RGS12: variants seen among roughly 807,000 people sequenced by gnomAD.
The protein encoded by RGS12 is regulator of G protein signaling 12.
Under a neutral mutation model 120.1 loss-of-function variants are expected in RGS12, and 66 were observed. The observed-to-expected ratio is 0.55, with a 90% CI of 0.45 to 0.67. The LOEUF (loss-of-function observed/expected upper bound fraction) is 0.67, where lower values mean the gene tolerates loss of function less well. Among genes scored for constraint, RGS12 ranks in the 30% least tolerant of loss-of-function variants. RGS12 has a pLI of 0.00. For synonymous variants in RGS12, 827 were observed against 804.7 expected (o/e 1.03, Z -0.47); for missense variants, 1,859 against 1,957.7 (o/e 0.95, Z 0.95).
At position 3,317,975 on chromosome 4, in the gene RGS12, G is replaced by C. The variant is rs746137949; in HGVS notation, c.1805G>C (p.Trp602Ser). 1 of 1,614,112 alleles carries C rather than the reference G, an allele frequency of 6.2e-7. No homozygotes were observed. The highest frequency in any genetic ancestry group is 8.5e-7 in the Non-Finnish European group (1 of 1,179,998). Reference protein sequence around the residue: ...QPPLNAPKREWSRKAFGMQSI... With the variant: ...QPPLNAPKRESSRKAFGMQSI... ...CCGCTGAATGCCCCGAAGAGGGAGT[G>C]GTCCAGGAAGGCCTTTGGAATGCAA... Residue 602 changes from tryptophan to serine, a missense_variant, in exon 2 of 18, where the codon TGG becomes TCG. By Grantham distance (177) the Trp-to-Ser change is radical. Around this residue, in one of 3 missense-constraint regions of RGS12, gnomAD observed 967 missense variants for 994.2 expected, o/e 0.97. Coordinates refer to ENST00000336727, the MANE Select transcript of RGS12 (RefSeq NM_001394154.1).
At chr4:3,309,961 G>A (rs1345310299) in intron 1 of RGS12, among the ~76,000 whole-genome samples, 7 of 137,918 alleles carry the variant, frequency 5.1e-5, no homozygotes, top group Admixed American at 7.1e-5. Context: ...AACCGTGCAG[G>A]GGAGGAGCTG....
chr4:3,368,786 G>A (rs1253220874), intron 3 of RGS12, among the ~76,000 whole-genome samples: 1 of 151,450 alleles, frequency 6.6e-6, no homozygotes. Flanking sequence ...GGATGCTGAC[G>A]GGAAGGCAGG....
At chr4:3,360,249 T>C (rs1323372665) in intron 3 of RGS12, among the ~76,000 whole-genome samples, 1 of 152,236 alleles carries the variant, frequency 6.6e-6, no homozygotes, top group Non-Finnish European at 1.5e-5. Flanking sequence ...TTGAGTCTTC[T>C]CTTTTTTTCC....
At chr4:3,383,160 C>T (rs1423509750) in intron 3 of RGS12, among the ~76,000 whole-genome samples, 4 of 152,140 alleles carry the variant, frequency 2.6e-5, no homozygotes, top group African/African-American at 9.7e-5. Flanking sequence ...TGGAGGATCT[C>T]AGGTTGAGGG....
At chr4:3,401,809 T>C (rs1720617952) in intron 4 of RGS12, among the ~76,000 whole-genome samples, 1 of 152,262 alleles carries the variant, frequency 6.6e-6, no homozygotes, top group African/African-American at 2.4e-5. Flanking sequence ...ATTTACCGCA[T>C]GCTCACCTTA....
intron 3 of RGS12, among the ~76,000 whole-genome samples, chr4:3,371,762 C>T (rs759801513): frequency 6.6e-6 from 1 of 152,158 alleles, no homozygotes; most frequent in Non-Finnish European, 1.5e-5. Context: ...AATTGCTTCT[C>T]CTTCTAAGCT....
chr4:3,313,598 C>T (rs890438258), intron 1 of RGS12, among the ~76,000 whole-genome samples: 2 of 152,210 alleles, frequency 1.3e-5, no homozygotes, highest in African/African-American at 2.4e-5. Flanking sequence ...CTCGTGTCTG[C>T]AGTCAGTGTG....
chr4:3,329,048 G>T (rs1321961722), intron 2 of RGS12, among the ~76,000 whole-genome samples: 1 of 152,194 alleles, frequency 6.6e-6, no homozygotes, highest in East Asian at 1.9e-4. Flanking sequence ...TGGATTCCAG[G>T]TTGGAGAGCT....
chr4:3,293,699 G>T (rs56342126), intron 1 of RGS12, among the ~76,000 whole-genome samples: 1,788 of 151,482 alleles, frequency 0.012, 27 homozygotes, highest in South Asian at 0.026. Flanking sequence ...AGGGGACCCA[G>T]AGCTGTGGAG....
At chr4:3,403,119 G>A (rs1720762662) in intron 4 of RGS12, among the ~76,000 whole-genome samples, 1 of 152,238 alleles carries the variant, frequency 6.6e-6, no homozygotes, top group African/African-American at 2.4e-5. Context: ...GGCTCTGGCA[G>A]CATTTCACCC....
chr4:3,378,973 T>C (rs951717979), intron 3 of RGS12, among the ~76,000 whole-genome samples: 1 of 151,592 alleles, frequency 6.6e-6, no homozygotes, highest in Admixed American at 6.6e-5. Flanking sequence ...ATAGCTAAGA[T>C]ATGAAAACCT....
In RGS12 at chr4:3,433,750, A is replaced by G. The variant is rs1405753357; in HGVS notation, c.4114+2795A>G. Reference sequence around the variant, plus strand: ...CCCATGCTTCTAGCCCCAGCGCCACACGCCACGCGGCACTCCACCCCGTCT... The same window carrying G: ...CCCATGCTTCTAGCCCCAGCGCCACGCGCCACGCGGCACTCCACCCCGTCT... On this transcript the variant is annotated intron_variant, in intron 17 of 17. Transcript: ENST00000336727. This position sits in a 1 kb window ranked among gnomAD's most constrained non-coding sequence, Gnocchi z 4.4. Among the ~76,000 whole-genome samples the G allele has an allele frequency of 6.8e-6, 1 of 148,118 alleles. No individual in the cohort carries two copies. The highest frequency in any genetic ancestry group is 2.0e-4 in the East Asian group (1 of 4,958).
Position 3,316,709 on chromosome 4 carries a change from A to G in RGS12, c.539A>G (p.Asp180Gly). The part of the protein sequence containing the change: ...SLSESAATRF[D>G]VGHESINNPN... ...TCAGAGTCGGCCGCAACTCGATTTGATGTTGGACATGAAAGTATAAATAAT... is the reference window on the plus strand; with the variant it reads ...TCAGAGTCGGCCGCAACTCGATTTGGTGTTGGACATGAAAGTATAAATAAT... Residue 180 changes from aspartate (D) to glycine (G), a missense_variant, in exon 2 of 18, where the codon GAT becomes GGT. By Grantham distance (94) the Asp-to-Gly change is moderately conservative. Coordinates refer to ENST00000336727, the MANE Select transcript of RGS12 (RefSeq NM_001394154.1). 6.2e-7 allele frequency: 1 copy of G among 1,614,206 alleles called. No individual in the cohort carries two copies. The highest frequency in any genetic ancestry group is 8.5e-7 in the Non-Finnish European group (1 of 1,180,034).
intron 4 of RGS12, 96 bp downstream of exon 4, chr4:3,386,533 G>A: frequency 4.5e-6 from 5 of 1,100,808 alleles, no homozygotes; most frequent in Non-Finnish European, 6.7e-6. Context: ...AGGAAGGACG[G>A]GTTGTTTGCC....
Position 3,393,694 on chromosome 4 carries a change from C to T in RGS12, c.2020+7257C>T, listed in dbSNP as rs1577039517. 2.0e-5 allele frequency among the ~76,000 whole-genome samples: 3 copies of T among 152,154 alleles called. No homozygotes were observed. The South Asian group carries it at 6.2e-4, about 32-fold the overall frequency. ...TTTTCCCGCAGGTTCTGATGCTCTG[C>T]GTATTTTGTCTACTATTCTACTGTC... On this transcript the variant is annotated intron_variant, in intron 4 of 17. Transcript: ENST00000336727.
chr4:3,430,167 TG>T (rs1159108997), intron 16 of RGS12, among the ~76,000 whole-genome samples: 1 of 152,200 alleles, frequency 6.6e-6, no homozygotes, highest in African/African-American at 2.4e-5. Context: ...TCACACAGCG[TG>T]GTTTTTAGGG....
Position 3,366,750 on chromosome 4 carries a change from G to A in RGS12, c.1999-19666G>A, listed in dbSNP as rs867171688. Among the ~76,000 whole-genome samples the A allele has an allele frequency of 3.9e-5, 6 of 152,344 alleles. No individual in the cohort carries two copies. In the South Asian group the frequency reaches 1.2e-3, roughly 32 times the overall value. ...GGGATGTGTCCTCTAGCAGAGACTG[G>A]TGTGGGTGGGCGCAGGAACTGGTGA... On this transcript the variant is annotated intron_variant, in intron 3 of 17. Coordinates refer to ENST00000336727, the MANE Select transcript of RGS12 (RefSeq NM_001394154.1). The surrounding 1 kb of genome is among the most constrained non-coding windows in gnomAD (Gnocchi z 4.0).
At chr4:3,351,324 C>T (rs1714334667) in intron 3 of RGS12, among the ~76,000 whole-genome samples, 1 of 152,048 alleles carries the variant, frequency 6.6e-6, no homozygotes, top group Non-Finnish European at 1.5e-5. Flanking sequence ...GACAGAGATA[C>T]CTTTTAGTAT....
chr4:3,391,714 T>C (rs1560140818), intron 4 of RGS12, among the ~76,000 whole-genome samples: 1 of 143,182 alleles, frequency 7.0e-6, no homozygotes, highest in Non-Finnish European at 1.5e-5. Flanking sequence ...CAGAGAGGGC[T>C]GCCTGGCGTG....
Sources: gnomAD v4.1 joint callset for allele counts (sites outside exome capture counted in the v4.1 genomes callset) on GRCh38, gnomAD v4.1.1 for gene constraint, gnomAD v4.1.1 regional missense constraint, Gnocchi (gnomAD v3.1) non-coding constraint, MANE v1.5 for transcripts, NCBI Gene and HGNC (gene_info 2026-07-23, HGNC 2026-07-21) for gene names.